Variants in NRXN1 observed in about 807,000 individuals in gnomAD.
NRXN1 encodes the protein neurexin 1, also known as neurexin-1.
NRXN1 carries 39 observed loss-of-function variants against 150.9 expected under a neutral mutation model. The observed-to-expected ratio is 0.26, with a 90% CI of 0.20 to 0.34. The LOEUF (loss-of-function observed/expected upper bound fraction) is 0.34, where lower values mean the gene tolerates loss of function less well. Ranked by LOEUF, NRXN1 falls within the 10% of genes least tolerant of loss-of-function variation. The probability of loss-of-function intolerance (pLI) is 1.00; values close to 1 mark genes in which losing one functional copy is unlikely to be tolerated. For missense variants in NRXN1, 1,815 were observed against 1,949.9 expected, an observed-to-expected ratio of 0.93 and a Z score of 1.30; for synonymous variants, 924 against 757.0, an observed-to-expected ratio of 1.22 and a Z score of -3.62.
intron 17 of NRXN1, among the ~76,000 whole-genome samples, chr2:50,449,045 A>G (rs900253681): frequency 6.6e-6 from 1 of 152,206 alleles, no homozygotes; most frequent in African/African-American, 2.4e-5. Context: ...TGGTTAAACT[A>G]GATCATCTAA....
intron 19 of NRXN1, among the ~76,000 whole-genome samples, chr2:50,084,194 G>A (rs992507233): frequency 2.0e-5 from 3 of 152,200 alleles, no homozygotes; most frequent in Non-Finnish European, 4.4e-5. Context: ...ATCCCACACG[G>A]GGCGGCAGAT....
intron 17 of NRXN1, among the ~76,000 whole-genome samples, chr2:50,354,554 CATAT>C (rs71404946): frequency 0.025 from 2,498 of 100,070 alleles, 101 homozygotes; most frequent in African/African-American, 0.086. Flanking sequence ...AGAGTGCATA[CATAT>C]ATATATATAT....
intron 5 of NRXN1, among the ~76,000 whole-genome samples, chr2:50,689,115 AC>A (rs1348943971): frequency 6.6e-6 from 1 of 152,142 alleles, no homozygotes; most frequent in Non-Finnish European, 1.5e-5. Context: ...CCACCTCAAA[AC>A]CTTTTAAATC....
intron 21 of NRXN1, among the ~76,000 whole-genome samples, chr2:49,995,674 G>A (rs1249911424): frequency 6.6e-6 from 1 of 150,964 alleles, no homozygotes; most frequent in East Asian, 2.0e-4. Context: ...CCAGCTACTC[G>A]GGAGGCTGAG....
intron 18 of NRXN1, among the ~76,000 whole-genome samples, chr2:50,208,768 C>A (rs2062799269): frequency 6.6e-6 from 1 of 152,062 alleles, no homozygotes; most frequent in South Asian, 2.1e-4. Flanking sequence ...TAACACGAGT[C>A]CTTTAAGTTG....
At chr2:50,075,707 C>T (rs1031557216) in intron 19 of NRXN1, among the ~76,000 whole-genome samples, 3 of 152,008 alleles carry the variant, frequency 2.0e-5, no homozygotes, top group African/African-American at 7.3e-5. Context: ...TTATCGAATG[C>T]CACTGTGGAA....
At position 50,681,794 on chromosome 2, in the gene NRXN1, T is replaced by A. The variant is rs1172912243; in HGVS notation, c.833-58179A>T. 3.9e-5 allele frequency among the ~76,000 whole-genome samples: 6 copies of A among 152,178 alleles called. No individual in the cohort carries two copies. The South Asian group carries it at 8.3e-4, about 21-fold the overall frequency. On this transcript the variant is annotated intron_variant, in intron 5 of 22. Coordinates refer to ENST00000401669, the MANE Select transcript of NRXN1 (RefSeq NM_001330078.2). ...ACTAATCAAAGCAAGTGGTTTGATG[T>A]TAAATCAATAATGTTTATACAAATT...
intron 5 of NRXN1, among the ~76,000 whole-genome samples, chr2:50,774,640 A>G (rs572718034): frequency 1.3e-5 from 2 of 152,294 alleles, no homozygotes; most frequent in African/African-American, 4.8e-5. Context: ...TATGCATTTA[A>G]TATGTATTTC....
intron 8 of NRXN1, among the ~76,000 whole-genome samples, chr2:50,598,622 A>G (rs6757950): frequency 0.83 from 120,642 of 146,198 alleles, 50,382 homozygotes; most frequent in East Asian, 0.94. Flanking sequence ...ATATATATAC[A>G]TGTATATATG....
At chr2:50,861,958 T>A (rs1233120423) in intron 5 of NRXN1, among the ~76,000 whole-genome samples, 1 of 151,982 alleles carries the variant, frequency 6.6e-6, no homozygotes, top group Admixed American at 6.6e-5. Flanking sequence ...TCCCAGCAAT[T>A]TGGGAGGCTG....
intron 5 of NRXN1, among the ~76,000 whole-genome samples, chr2:50,765,944 G>C (rs750738661): frequency 6.6e-6 from 1 of 152,008 alleles, no homozygotes; most frequent in African/African-American, 2.4e-5. Flanking sequence ...AAAAGTCTCA[G>C]TGACTGATTG....
chr2:50,937,470 T>C (rs764781467), intron 2 of NRXN1, among the ~76,000 whole-genome samples: 65 of 152,142 alleles, frequency 4.3e-4, no homozygotes, highest in Admixed American at 7.9e-4. Flanking sequence ...CAGTGAGCTT[T>C]CTTAAGTTGT....
chr2:50,577,230 A>T (rs971609349), intron 8 of NRXN1, among the ~76,000 whole-genome samples: 1 of 152,148 alleles, frequency 6.6e-6, no homozygotes, highest in East Asian at 1.9e-4. Flanking sequence ...TTAAATTAGA[A>T]CATTCATTTT....
intron 19 of NRXN1, among the ~76,000 whole-genome samples, chr2:50,070,017 A>T (rs1232969978): frequency 1.3e-5 from 2 of 151,444 alleles, no homozygotes; most frequent in Admixed American, 6.6e-5. Context: ...CACCCACCTA[A>T]TTTTTTGTAT....
intron 17 of NRXN1, among the ~76,000 whole-genome samples, chr2:50,326,956 T>G (rs537324348): frequency 6.6e-6 from 1 of 152,284 alleles, no homozygotes; most frequent in East Asian, 1.9e-4. Context: ...TCATATATTA[T>G]CAGTGGAAGT....
intron 5 of NRXN1, among the ~76,000 whole-genome samples, chr2:50,659,863 A>G (rs551832255): frequency 3.3e-5 from 5 of 151,908 alleles, no homozygotes; most frequent in Admixed American, 3.3e-4. Context: ...CTTTGATTTC[A>G]TTCTAAATTA....
intron 8 of NRXN1, among the ~76,000 whole-genome samples, chr2:50,580,810 C>T (rs538047998): frequency 1.5e-4 from 23 of 152,146 alleles, no homozygotes; most frequent in African/African-American, 4.1e-4. Context: ...TATTTCCATG[C>T]TATGTTCACA....
chr2:50,572,353 T>C (rs541179358), intron 8 of NRXN1, among the ~76,000 whole-genome samples: 25 of 152,340 alleles, frequency 1.6e-4, no homozygotes, highest in Non-Finnish European at 2.6e-4. Context: ...TAAAAAGATA[T>C]ATTAATAATT....
intron 5 of NRXN1, among the ~76,000 whole-genome samples, chr2:50,766,895 G>C (rs1702451881): frequency 6.6e-6 from 1 of 152,020 alleles, no homozygotes; most frequent in Admixed American, 6.6e-5. Flanking sequence ...TGGGAGATTT[G>C]TTTAAAGGAA....
Sources: gnomAD v4.1 joint callset for allele counts (sites outside exome capture counted in the v4.1 genomes callset) on GRCh38, gnomAD v4.1.1 for gene constraint, MANE v1.5 for transcripts, NCBI Gene and HGNC (gene_info 2026-07-23, HGNC 2026-07-21) for gene names.